The following CDK5RAP1 variants were observed in gnomAD, a reference collection of about 807,000 sequenced individuals.
CDK5RAP1 encodes the protein mitochondrial tRNA methylthiotransferase CDK5RAP1.
Under a neutral mutation model 64.5 loss-of-function variants are expected in CDK5RAP1, and 62 were observed. The observed-to-expected ratio is 0.96, with a 90% CI of 0.78 to 1.19. CDK5RAP1 has a LOEUF of 1.19. Among genes scored for constraint, CDK5RAP1 ranks in the 50% most tolerant of loss-of-function variants. CDK5RAP1 has a pLI of 0.00. For missense variants in CDK5RAP1, 657 were observed against 735.0 expected, an observed-to-expected ratio of 0.89 and a Z score of 1.23; for synonymous variants, 250 against 261.9, an observed-to-expected ratio of 0.95 and a Z score of 0.44.
At chr20:33,381,799 T>C (rs900961794) in intron 7 of CDK5RAP1, among the ~76,000 whole-genome samples, 2 of 152,168 alleles carry the variant, frequency 1.3e-5, no homozygotes, top group African/African-American at 4.8e-5. Context: ...TGCATTTAGT[T>C]GTCATAACTC....
At chr20:33,367,179 A>G (rs533679023) in intron 11 of CDK5RAP1, among the ~76,000 whole-genome samples, 171 bp from the exon 12 acceptor site, 12 of 152,346 alleles carry the variant, frequency 7.9e-5, no homozygotes, top group Non-Finnish European at 1.2e-4. Context: ...ATTCCAAGAT[A>G]AAAAGGTAGT....
At chr20:33,382,266 GAC>G (rs1986849651) in intron 7 of CDK5RAP1, among the ~76,000 whole-genome samples, 1 of 152,148 alleles carries the variant, frequency 6.6e-6, no homozygotes, top group East Asian at 1.9e-4. Context: ...TATATAAAAA[GAC>G]ATACAAACCA....
At chr20:33,383,855 T>C (rs1269000840) in intron 7 of CDK5RAP1, among the ~76,000 whole-genome samples, 1 of 150,160 alleles carries the variant, frequency 6.7e-6, no homozygotes, top group Admixed American at 6.6e-5. Flanking sequence ...GAGGCTGCAG[T>C]GAGCCGAGAT....
chr20:33,401,210 C>T (rs1412984232), intron 1 of CDK5RAP1, among the ~76,000 whole-genome samples: 1 of 152,226 alleles, frequency 6.6e-6, no homozygotes, highest in African/African-American at 2.4e-5. Flanking sequence ...CGAAGCGAAG[C>T]CTTGAAAGAA....
chr20:33,377,054 G>T (rs906565726), intron 8 of CDK5RAP1, among the ~76,000 whole-genome samples: 2 of 152,166 alleles, frequency 1.3e-5, no homozygotes. Flanking sequence ...AAGAGAGTCT[G>T]GCTGGGCACA....
chr20:33,385,985 A>G (rs951902623), intron 6 of CDK5RAP1, among the ~76,000 whole-genome samples: 3 of 152,228 alleles, frequency 2.0e-5, no homozygotes, highest in Non-Finnish European at 4.4e-5. Context: ...AACTATAACC[A>G]GTGGGACAAT....
chr20:33,387,581 T>C (rs770741242), intron 5 of CDK5RAP1, 48 bp from the exon 6 acceptor site: 2 of 1,443,256 alleles, frequency 1.4e-6, no homozygotes, highest in Middle Eastern at 1.7e-4. Context: ...CCACCTGGTG[T>C]TTAATGGCTT....
chr20:33,400,025 C>G (rs547474087), intron 1 of CDK5RAP1, among the ~76,000 whole-genome samples: 11 of 151,960 alleles, frequency 7.2e-5, no homozygotes, highest in African/African-American at 2.4e-4. Context: ...GCCTGGGCAA[C>G]AGAGAGAGAG....
chr20:33,372,694 A>G lies in CDK5RAP1; in HGVS notation c.1209T>C (p.Tyr403=), dbSNP rs756316162. The G allele has an allele frequency of 9.5e-6, 15 of 1,581,202 alleles. No homozygotes were observed. Among genetic ancestry groups the G allele is most frequent in the East Asian group, 4.5e-5 (2 of 44,256 alleles). ...SRVLEAMRRG[Y]SREAYVELVH... ...CTAACTCCACATAAGCTTCTCTTGA[A>G]TATCTGCAATAAAGAACAAAAGGAA... The change falls in exon 10 of 14, where the codon TAT becomes TAC. Residue 403 remains tyrosine, a synonymous_variant. Coordinates refer to ENST00000346416, the MANE Select transcript of CDK5RAP1 (RefSeq NM_016408.4).
intron 7 of CDK5RAP1, among the ~76,000 whole-genome samples, chr20:33,384,983 G>GACA (rs1370696279): frequency 6.6e-6 from 1 of 152,186 alleles, no homozygotes; most frequent in Non-Finnish European, 1.5e-5. Flanking sequence ...AAGTAAGGAA[G>GACA]CAGGGAGACA....
chr20:33,384,881 G>A (rs1321896498), intron 7 of CDK5RAP1, among the ~76,000 whole-genome samples: 2 of 152,170 alleles, frequency 1.3e-5, no homozygotes, highest in African/African-American at 4.8e-5. Context: ...CAGCTTGGGT[G>A]ACAGAGTGAA....
chr20:33,396,916 C>T lies in CDK5RAP1; in HGVS notation c.149G>A (p.Gly50Glu). Residue 50 changes from glycine (G) to glutamate (E), a missense_variant, in exon 2 of 14, where the codon GGA becomes GAA. Gly to Glu is a moderately conservative substitution (Grantham distance 98). Transcript: ENST00000346416. ...CCTGGAGCTGAAATCCTTCCGAGCT[C>T]CATCCTCCTGCCTCTCTGGACTGGG... ...MCPSPERQED[G>E]ARKDFSSRLA... The T allele has an allele frequency of 2.5e-6, 4 of 1,614,184 alleles. No individual in the cohort carries two copies. The highest frequency in any genetic ancestry group is 3.4e-6 in the Non-Finnish European group (4 of 1,180,036).
At position 33,358,953 on chromosome 20, in the gene CDK5RAP1, C is replaced by A; in HGVS notation, c.*90G>T. On this transcript the variant is annotated 3_prime_UTR_variant, in exon 14 of 14. Transcript: ENST00000346416. ...TTCGCCCCTTGCAGCTTATCTCCAC[C>A]TTCATGACCTGTTTCCTCAGTGGCA... is the stretch of plus-strand genomic sequence containing the variant. The A allele has an allele frequency of 1.1e-6, 1 of 937,034 alleles. No homozygotes were observed. The highest frequency in any genetic ancestry group is 1.7e-6 in the Non-Finnish European group (1 of 590,534). 58.0% of individuals were successfully genotyped at this position (937,034 alleles called of 1,614,324 possible).
chr20:33,367,670 G>T (rs1289846152), intron 11 of CDK5RAP1, among the ~76,000 whole-genome samples: 1 of 152,210 alleles, frequency 6.6e-6, no homozygotes, highest in Non-Finnish European at 1.5e-5. Flanking sequence ...AACCACTCAT[G>T]TACAGCACTT....
chr20:33,366,920 T>A lies in CDK5RAP1; in HGVS notation c.1481A>T (p.Glu494Val), dbSNP rs146450391. 2.2e-3 allele frequency: 3,623 copies of A among 1,614,064 alleles called. 9 individuals carry two copies. Among genetic ancestry groups the A allele is most frequent in the South Asian group, 4.9e-3 (443 of 91,078 alleles). The change falls in exon 12 of 14, where the codon GAA becomes GTA. Residue 494 changes from glutamate (E) to valine (V), a missense_variant. Coordinates refer to ENST00000346416, the MANE Select transcript of CDK5RAP1 (RefSeq NM_016408.4). ...RLEELITIFR[E>V]EATKANQTSV... ...GGTCTGATTGGCTTTTGTTGCTTCT[T>A]CTCGGAAGATAGTGATGAGTTCCTC...
intron 4 of CDK5RAP1, among the ~76,000 whole-genome samples, chr20:33,393,416 T>A (rs1988552805): frequency 6.6e-6 from 1 of 152,074 alleles, no homozygotes; most frequent in Admixed American, 6.6e-5. Flanking sequence ...TTAGTTCCCA[T>A]ATCAGACTAG....
intron 8 of CDK5RAP1, among the ~76,000 whole-genome samples, chr20:33,376,573 T>G (rs1295221311): frequency 6.6e-6 from 1 of 152,174 alleles, no homozygotes; most frequent in Non-Finnish European, 1.5e-5. Flanking sequence ...CTGAAAGAGA[T>G]GTACAAGGAG....
At position 33,371,260 on chromosome 20, in the gene CDK5RAP1, T is replaced by C. The variant is rs375619213; in HGVS notation, c.1262-631A>G. 5.5e-4 allele frequency among the ~76,000 whole-genome samples: 84 copies of C among 152,206 alleles called. No homozygotes were observed. The East Asian group carries it at 0.013, about 23-fold the overall frequency. On this transcript the variant is annotated intron_variant, in intron 10 of 13. Coordinates refer to ENST00000346416, the MANE Select transcript of CDK5RAP1 (RefSeq NM_016408.4). ...AGTGAACTGTGTTCATGCCACTGCA[T>C]TCCAGCCTGGGCGACAGAATGATAA...
At chr20:33,359,269 G>A (rs999232631) in intron 13 of CDK5RAP1, 146 bp from the exon 14 acceptor site, 29 of 619,938 alleles carry the variant, frequency 4.7e-5, no homozygotes, top group East Asian at 1.1e-4. Flanking sequence ...GTGTGCCCCC[G>A]ATCCTGGCAG....
Sources: gnomAD v4.1 joint callset for allele counts (sites outside exome capture counted in the v4.1 genomes callset) on GRCh38, gnomAD v4.1.1 for gene constraint, MANE v1.5 for transcripts, NCBI Gene and HGNC (gene_info 2026-07-23, HGNC 2026-07-21) for gene names.